XKR6: variants seen among roughly 807,000 people sequenced by gnomAD.
The protein encoded by XKR6 is XK related 6.
In XKR6, 22 loss-of-function variants were observed where a neutral mutation model predicts 56.7. The observed-to-expected ratio is 0.39, with a 90% CI of 0.28 to 0.55. The LOEUF is 0.55. Ranked by LOEUF, XKR6 falls within the 20% of genes least tolerant of loss-of-function variation. The probability of loss-of-function intolerance (pLI) is 0.66; values close to 1 mark genes in which losing one functional copy is unlikely to be tolerated. For synonymous variants in XKR6, 524 were observed against 387.8 expected (o/e 1.35, Z -4.13); for missense variants, 852 against 889.0 (o/e 0.96, Z 0.53).
chr8:11,009,545 G>C (rs1776797675), intron 1 of XKR6, among the ~76,000 whole-genome samples: 1 of 152,146 alleles, frequency 6.6e-6, no homozygotes, highest in African/African-American at 2.4e-5. Context: ...AATAGTTATA[G>C]GTTTGATGGA....
At chr8:11,014,826 C>A (rs1312130770) in intron 1 of XKR6, among the ~76,000 whole-genome samples, 3 of 152,136 alleles carry the variant, frequency 2.0e-5, no homozygotes, top group Non-Finnish European at 4.4e-5. Context: ...TGCACGCGTA[C>A]CCCCTGAATC....
chr8:11,131,841 C>A (rs1800117868), intron 1 of XKR6, among the ~76,000 whole-genome samples: 1 of 152,170 alleles, frequency 6.6e-6, no homozygotes, highest in South Asian at 2.1e-4. Context: ...AGGCTTGAAG[C>A]CTCAGAGCAA....
At chr8:11,087,002 G>A (rs1408338439) in intron 1 of XKR6, among the ~76,000 whole-genome samples, 2 of 152,178 alleles carry the variant, frequency 1.3e-5, no homozygotes, top group African/African-American at 4.8e-5. Context: ...ATGAAACTCT[G>A]CCTTTACTTC....
intron 1 of XKR6, among the ~76,000 whole-genome samples, chr8:11,022,362 A>G (rs1798767188): frequency 1.3e-5 from 2 of 152,102 alleles, no homozygotes; most frequent in Non-Finnish European, 2.9e-5. Flanking sequence ...ACATGTGGAC[A>G]CAGGTACTTA....
At chr8:11,011,434 C>A (rs1357558345) in intron 1 of XKR6, among the ~76,000 whole-genome samples, 1 of 152,236 alleles carries the variant, frequency 6.6e-6, no homozygotes, top group Non-Finnish European at 1.5e-5. Flanking sequence ...GAGCACCAGG[C>A]TGAGGAGGGT....
At chr8:11,155,363 C>T (rs1801471395) in intron 1 of XKR6, among the ~76,000 whole-genome samples, 1 of 152,090 alleles carries the variant, frequency 6.6e-6, no homozygotes, top group South Asian at 2.1e-4. Context: ...TGTTTTTAAA[C>T]CAGTATGACC....
chr8:10,985,923 A>G (rs752332495), intron 1 of XKR6, among the ~76,000 whole-genome samples: 2 of 152,244 alleles, frequency 1.3e-5, no homozygotes, highest in Non-Finnish European at 2.9e-5. Context: ...GTGGATTTTT[A>G]ACTAGATAAG....
intron 1 of XKR6, among the ~76,000 whole-genome samples, chr8:11,148,334 G>A (rs1267995315): frequency 6.6e-6 from 1 of 152,200 alleles, no homozygotes; most frequent in Non-Finnish European, 1.5e-5. Context: ...CACGGGATGT[G>A]CATGCTCAGA....
intron 1 of XKR6, among the ~76,000 whole-genome samples, chr8:10,955,346 T>C (rs1325386586): frequency 5.3e-5 from 8 of 152,142 alleles, no homozygotes; most frequent in African/African-American, 1.7e-4. Context: ...CTAATTTTCT[T>C]ATTTTTTTAT....
chr8:11,060,621 C>T (rs1214575798), intron 1 of XKR6, among the ~76,000 whole-genome samples: 1 of 152,242 alleles, frequency 6.6e-6, no homozygotes, highest in Non-Finnish European at 1.5e-5. Context: ...GGAGGTTACA[C>T]TTCCCGTACA....
At chr8:11,097,356 G>C (rs532116530) in intron 1 of XKR6, among the ~76,000 whole-genome samples, 1 of 152,144 alleles carries the variant, frequency 6.6e-6, no homozygotes, top group Non-Finnish European at 1.5e-5. Flanking sequence ...CATTCCACGA[G>C]AAGTTAGAAA....
chr8:11,033,856 C>T (rs534350977), intron 1 of XKR6, among the ~76,000 whole-genome samples: 19 of 152,246 alleles, frequency 1.2e-4, no homozygotes, highest in African/African-American at 1.9e-4. Context: ...GTAGTTCTTC[C>T]GTATACTAGA....
chr8:11,132,781 A>ACACACG (rs1800174605), intron 1 of XKR6, among the ~76,000 whole-genome samples: 1 of 144,836 alleles, frequency 6.9e-6, no homozygotes, highest in South Asian at 2.3e-4. Flanking sequence ...ACACACACAC[A>ACACACG]CACACGCACA....
intron 1 of XKR6, among the ~76,000 whole-genome samples, chr8:11,178,689 A>G (rs556340744): frequency 3.2e-4 from 44 of 135,678 alleles, no homozygotes; most frequent in South Asian, 2.9e-3. Flanking sequence ...ATATATATAT[A>G]TATGTATATC....
chr8:11,194,023 G>T (rs553897708), intron 1 of XKR6, among the ~76,000 whole-genome samples: 1 of 152,222 alleles, frequency 6.6e-6, no homozygotes, highest in Non-Finnish European at 1.5e-5. Flanking sequence ...CTATACATAG[G>T]TGACACAAAA....
chr8:11,055,796 C>T (rs1586485078), intron 1 of XKR6, among the ~76,000 whole-genome samples: 1 of 151,596 alleles, frequency 6.6e-6, no homozygotes, highest in African/African-American at 2.4e-5. Flanking sequence ...AAGTCCACTG[C>T]ACAGGGAGGA....
At chr8:10,994,307 C>G (rs1371184529) in intron 1 of XKR6, among the ~76,000 whole-genome samples, 1 of 152,254 alleles carries the variant, frequency 6.6e-6, no homozygotes, top group South Asian at 2.1e-4. Context: ...TCGGCTAAGC[C>G]AGCTCCCCCA....
intron 1 of XKR6, among the ~76,000 whole-genome samples, chr8:11,063,593 T>A (rs1317399902): frequency 6.6e-6 from 1 of 152,004 alleles, no homozygotes; most frequent in Non-Finnish European, 1.5e-5. Flanking sequence ...GCACCCAGCA[T>A]TAGTCCAGCA....
chr8:11,200,646 G>C lies in XKR6; in HGVS notation c.694C>G (p.Arg232Gly). The stretch of plus-strand genomic sequence containing the variant: ...ATCCACACGGAGAGGCGACACAGGC[G>C]CTGCGCCCCCGGCGTGGGGGAGACC... ...VRVSPTPGAQ[R>G]LCRLSVWIWQ... Residue 232 changes from arginine (R) to glycine (G), a missense_variant, in exon 1 of 3, where the codon CGC (arginine) becomes GGC (glycine). This residue lies in a region of XKR6 where 417 missense variants were observed against 355.2 expected (regional missense o/e 1.17). Coordinates refer to ENST00000416569, the MANE Select transcript of XKR6 (RefSeq NM_173683.4). This position sits in a 1 kb window ranked among gnomAD's most constrained non-coding sequence, Gnocchi z 6.4. 6.4e-7 allele frequency: 1 copy of C among 1,551,690 alleles called. No individual in the cohort carries two copies. Among genetic ancestry groups the C allele is most frequent in the Non-Finnish European group, 8.6e-7 (1 of 1,159,800 alleles).
Sources: allele counts gnomAD v4.1 joint callset (sites outside exome capture counted in the v4.1 genomes callset), GRCh38; gene constraint gnomAD v4.1.1; regional missense constraint gnomAD v4.1.1; non-coding constraint Gnocchi (gnomAD v3.1); transcripts MANE v1.5; gene names NCBI Gene and HGNC (gene_info 2026-07-23, HGNC 2026-07-21).